CWF19L1: variants seen among roughly 807,000 people sequenced by gnomAD.
CWF19L1 encodes CWF19-like protein 1.
Under a neutral mutation model 69.7 loss-of-function variants are expected in CWF19L1, and 60 were observed. The ratio of observed to expected loss-of-function variants is 0.86; its 90% CI spans 0.70 to 1.07. The LOEUF is 1.07. Ranked by LOEUF, CWF19L1 falls within the 50% of genes least tolerant of loss-of-function variation. The probability of loss-of-function intolerance (pLI) is 0.00; values close to 1 mark genes in which losing one functional copy is unlikely to be tolerated. For missense variants in CWF19L1, 591 were observed against 638.9 expected (o/e 0.92, Z 0.81); for synonymous variants, 209 against 222.2 (o/e 0.94, Z 0.53).
At chr10:100,261,171 T>G in intron 2 of CWF19L1, 127 bp from the exon 3 acceptor site, 1 of 635,852 alleles carries the variant, frequency 1.6e-6, no homozygotes, top group Non-Finnish European at 2.7e-6. Flanking sequence ...AATTTGCAGA[T>G]TTCAATATAC....
chr10:100,262,606 A>C (rs1398471408), intron 1 of CWF19L1: 1 of 292,136 alleles, frequency 3.4e-6, no homozygotes, highest in African/African-American at 2.3e-5. Flanking sequence ...TTAAGCCTCA[A>C]AGAGTTTATA....
chr10:100,267,101 C>T (rs374348954), intron 1 of CWF19L1, among the ~76,000 whole-genome samples: 2 of 144,794 alleles, frequency 1.4e-5, no homozygotes. Flanking sequence ...TAAATACTTG[C>T]TGCATGAAGC....
intron 4 of CWF19L1, among the ~76,000 whole-genome samples, chr10:100,257,600 C>T (rs919258433): frequency 1.3e-5 from 2 of 151,876 alleles, no homozygotes; most frequent in Non-Finnish European, 2.9e-5. Flanking sequence ...GCCCAGCCTA[C>T]TTTATTAGTT....
At chr10:100,235,432 A>G (rs1846401173) in intron 13 of CWF19L1, among the ~76,000 whole-genome samples, 1 of 152,176 alleles carries the variant, frequency 6.6e-6, no homozygotes, top group Non-Finnish European at 1.5e-5. Flanking sequence ...CCAACTAGAA[A>G]TGAGCTGTCC....
chr10:100,253,745 AG>A, intron 5 of CWF19L1: 1 of 448,218 alleles, frequency 2.2e-6, no homozygotes, highest in Non-Finnish European at 3.9e-6. Flanking sequence ...ATGTAGAAAT[AG>A]GAACAACTGT....
At chr10:100,255,909 G>C (rs1008425000) in intron 5 of CWF19L1, among the ~76,000 whole-genome samples, 4 of 151,610 alleles carry the variant, frequency 2.6e-5, no homozygotes, top group African/African-American at 9.7e-5. Flanking sequence ...CAACCTGGGC[G>C]ACAGAGTGAG....
At chr10:100,249,088 T>A in intron 7 of CWF19L1, 1 of 506,994 alleles carries the variant, frequency 2.0e-6, no homozygotes, top group Non-Finnish European at 3.6e-6. Context: ...CCACCCTGCC[T>A]GCACCTCCGC....
chr10:100,244,137 C>T (rs755447653), intron 9 of CWF19L1, among the ~76,000 whole-genome samples: 3 of 152,178 alleles, frequency 2.0e-5, no homozygotes, highest in Non-Finnish European at 4.4e-5. Context: ...AAAATTTACC[C>T]TCCCAAGGTC....
At position 100,238,012 on chromosome 10, in the gene CWF19L1, G is replaced by A; in HGVS notation, c.1254+10C>T. The A allele has an allele frequency of 6.2e-7, 1 of 1,610,080 alleles. No homozygotes were observed. The highest frequency in any genetic ancestry group is 8.5e-7 in the Non-Finnish European group (1 of 1,176,348). On this transcript the variant is annotated intron_variant, in intron 11 of 13. Transcript: ENST00000354105. ...GCGCCCTTCCAAGTTTCTATGAACA[G>A]ACCACCTACCTGTAGCTGGAGGTGA...
chr10:100,247,845 G>A (rs1355989602), intron 7 of CWF19L1, among the ~76,000 whole-genome samples: 2 of 152,060 alleles, frequency 1.3e-5, no homozygotes, highest in East Asian at 1.9e-4. Flanking sequence ...GCAGTAAGCC[G>A]AGATCGTGCC....
rs1009013703 is a variant in CWF19L1 at position 100,237,027 on chromosome 10, G to A, written c.1255-58C>T. ...TGCAGGTCCCAGAGAAGTTGTGCCT[G>A]CACAGTCTCTGAGAAGTAGCAAATC... is the stretch of plus-strand genomic sequence containing the variant. On this transcript the variant is annotated intron_variant, in intron 11 of 13. Coordinates refer to ENST00000354105, the MANE Select transcript of CWF19L1 (RefSeq NM_018294.6). 4.6e-6 allele frequency: 7 copies of A among 1,534,332 alleles called. No homozygotes were observed. In the African/African-American group the frequency reaches 6.9e-5, roughly 15 times the overall value.
At position 100,236,882 on chromosome 10, in the gene CWF19L1, A is replaced by G. The variant is rs1846457648; in HGVS notation, c.1342T>C (p.Leu448=). 4 of 1,610,416 alleles carry G rather than the reference A, an allele frequency of 2.5e-6. No individual in the cohort carries two copies. In the African/African-American group the frequency reaches 5.4e-5, roughly 22 times the overall value. Residue 448 remains leucine, a synonymous_variant, in exon 12 of 14, where the codon TTG becomes CTG. Coordinates refer to ENST00000354105, the MANE Select transcript of CWF19L1 (RefSeq NM_018294.6). ...TQAQEQQIEL[L]EIPEHSDIKQ... ...ATGTCAGAGTGCTCTGGGATTTCCA[A>G]CAGCTCTATCTGCTGCTCCTGTGCC...
At chr10:100,266,000 G>A (rs938849470) in intron 1 of CWF19L1, among the ~76,000 whole-genome samples, 12 of 152,000 alleles carry the variant, frequency 7.9e-5, no homozygotes, top group African/African-American at 2.9e-4. Flanking sequence ...GCACAATGAC[G>A]AAATCGCCTA....
rs373105620 is a variant in CWF19L1 at position 100,267,599 on chromosome 10, C to G, written c.-6G>C. ...CGCAGCGGTTTCTGTGCCATCTGTC[C>G]GAATAGTATGGGTTGCGACTGCCAC... On this transcript the variant is annotated 5_prime_UTR_variant, in exon 1 of 14. Coordinates refer to ENST00000354105, the MANE Select transcript of CWF19L1 (RefSeq NM_018294.6). 1 of 1,614,176 alleles carries G rather than the reference C, an allele frequency of 6.2e-7. No individual in the cohort carries two copies. The highest frequency in any genetic ancestry group is 8.5e-7 in the Non-Finnish European group (1 of 1,180,032).
intron 5 of CWF19L1, chr10:100,254,290 AGT>A (rs1487591889): frequency 1.3e-5 from 2 of 152,236 alleles, no homozygotes. Flanking sequence ...TCTGGTATAG[AGT>A]ATTCAAGGAC....
chr10:100,246,785 C>G lies in CWF19L1; in HGVS notation c.849+10G>C. ...ACATATAAAAATGCCAACCCTCAAT[C>G]AGAACATACCACAGGGGCAAGAATT... On this transcript the variant is annotated intron_variant, in intron 8 of 13. Coordinates refer to ENST00000354105, the MANE Select transcript of CWF19L1 (RefSeq NM_018294.6). The G allele has an allele frequency of 6.2e-7, 1 of 1,605,214 alleles. No homozygotes were observed.
chr10:100,249,314 T>C (rs1846942197), intron 7 of CWF19L1, among the ~76,000 whole-genome samples: 1 of 152,222 alleles, frequency 6.6e-6, no homozygotes, highest in Non-Finnish European at 1.5e-5. Flanking sequence ...CTATGGCATG[T>C]GATAGTGGAA....
At chr10:100,238,272 T>C (rs1237985272) in intron 10 of CWF19L1, 41 bp from the exon 11 acceptor site, 1 of 1,580,214 alleles carries the variant, frequency 6.3e-7, no homozygotes, top group African/African-American at 1.3e-5. Flanking sequence ...CAATACAGCA[T>C]GTAGGATTCT....
rs1846455992 is a variant in CWF19L1, at chr10:100,236,838, C to A, written c.1374+12G>T. On this transcript the variant is annotated intron_variant, in intron 12 of 13. Coordinates refer to ENST00000354105, the MANE Select transcript of CWF19L1 (RefSeq NM_018294.6). ...TTTACTCTTCCCTGAATATCACCAT[C>A]CCCTGTTTCACCTGCTTGATGTCAG... The A allele has an allele frequency of 6.3e-7, 1 of 1,576,422 alleles. No homozygotes were observed. Among genetic ancestry groups the A allele is most frequent in the Non-Finnish European group, 8.6e-7 (1 of 1,166,532 alleles).
Sources: allele counts gnomAD v4.1 joint callset (sites outside exome capture counted in the v4.1 genomes callset), GRCh38; gene constraint gnomAD v4.1.1; transcripts MANE v1.5; gene names NCBI Gene and HGNC (gene_info 2026-07-23, HGNC 2026-07-21).